The following DNMT3A variants were observed in gnomAD, a reference collection of about 807,000 sequenced individuals.
DNMT3A encodes the protein DNA (cytosine-5)-methyltransferase 3A.
Under a neutral mutation model 117.6 loss-of-function variants are expected in DNMT3A, and 267 were observed. The ratio of observed to expected loss-of-function variants is 2.27; its 90% CI spans 2.05 to 2.51. The LOEUF (loss-of-function observed/expected upper bound fraction) is 2.51, where lower values mean the gene tolerates loss of function less well. DNMT3A is among the 30% of genes most tolerant of loss of function. The probability of loss-of-function intolerance (pLI) is 0.00; values close to 1 mark genes in which losing one functional copy is unlikely to be tolerated. For missense variants in DNMT3A, 1,029 were observed against 1,260.2 expected (o/e 0.82, Z 2.78); for synonymous variants, 432 against 474.8 (o/e 0.91, Z 1.17).
chr2:25,325,750 A>G (rs1478527345), intron 1 of DNMT3A, among the ~76,000 whole-genome samples: 1 of 152,210 alleles, frequency 6.6e-6, no homozygotes, highest in Non-Finnish European at 1.5e-5. Context: ...GTTACCAAGG[A>G]GAAAACTGGA....
At chr2:25,280,643 G>A (rs916106449) in intron 4 of DNMT3A, among the ~76,000 whole-genome samples, 7 of 152,158 alleles carry the variant, frequency 4.6e-5, no homozygotes, top group Non-Finnish European at 1.0e-4. Context: ...TTTTAAGGGT[G>A]GATTTCTCAT....
intron 1 of DNMT3A, among the ~76,000 whole-genome samples, chr2:25,315,531 C>T (rs1370730834): frequency 2.6e-5 from 4 of 152,212 alleles, no homozygotes; most frequent in Admixed American, 1.3e-4. Context: ...GTTTGCTGCC[C>T]GGGTCCCGAG....
At chr2:25,310,293 C>G (rs2034036978) in intron 2 of DNMT3A, among the ~76,000 whole-genome samples, 1 of 151,492 alleles carries the variant, frequency 6.6e-6, no homozygotes, top group Non-Finnish European at 1.5e-5. Context: ...GCTCCATACT[C>G]CCCTCTAAGC....
chr2:25,262,369 A>T (rs573746640), intron 6 of DNMT3A, among the ~76,000 whole-genome samples: 1 of 152,270 alleles, frequency 6.6e-6, no homozygotes, highest in South Asian at 2.1e-4. Flanking sequence ...ATAAAGGAAA[A>T]AAATGGGTAA....
At chr2:25,266,109 G>A (rs2030315227) in intron 6 of DNMT3A, among the ~76,000 whole-genome samples, 1 of 152,170 alleles carries the variant, frequency 6.6e-6, no homozygotes, top group Non-Finnish European at 1.5e-5. Context: ...TCTACTTAAA[G>A]GACAATGGGG....
In DNMT3A at chr2:25,254,037, A is replaced by T. The variant is rs1443645517; in HGVS notation, c.640-5785T>A. The stretch of plus-strand genomic sequence containing the variant: ...CAGTGAGCCGAGATCATGCCACTGC[A>T]CTCCAGCCTGGGCAACAGAGCGAGA... On this transcript the variant is annotated intron_variant, in intron 6 of 22. Coordinates refer to ENST00000321117, the MANE Select transcript of DNMT3A (RefSeq NM_022552.5). The surrounding 1 kb of genome is among the most constrained non-coding windows in gnomAD (Gnocchi z 4.7). Among the ~76,000 whole-genome samples the T allele has an allele frequency of 6.7e-6, 1 of 149,560 alleles. No homozygotes were observed. Among genetic ancestry groups the T allele is most frequent in the African/African-American group, 2.5e-5 (1 of 40,360 alleles).
chr2:25,267,072 T>C (rs1355929869), intron 6 of DNMT3A, among the ~76,000 whole-genome samples: 1 of 152,124 alleles, frequency 6.6e-6, no homozygotes, highest in Non-Finnish European at 1.5e-5. Flanking sequence ...TGGAATATAA[T>C]AGTAATTACG....
rs888482436 is a variant in DNMT3A at position 25,231,377 on chromosome 2, G to C, written c.*2902C>G. 4 of 152,256 alleles carry C rather than the reference G, an allele frequency of 2.6e-5. No individual in the cohort carries two copies. Among genetic ancestry groups the C allele is most frequent in the Admixed American group, 6.5e-5 (1 of 15,282 alleles). 9.4% of individuals were successfully genotyped at this position (152,256 alleles called of 1,614,324 possible). ...AGTCACCACCTGTCAAGAGGTGACA[G>C]GAAGCAACTGGGCATGATCTTAAAC... On this transcript the variant is annotated 3_prime_UTR_variant, in exon 23 of 23. Coordinates refer to ENST00000321117, the MANE Select transcript of DNMT3A (RefSeq NM_022552.5).
chr2:25,314,749 C>CGGCCAA, intron 1 of DNMT3A: 2 of 976,206 alleles, frequency 2.0e-6, no homozygotes, highest in Non-Finnish European at 2.4e-6. Context: ...GCCACGGCCA[C>CGGCCAA]GGCCAAGGCC....
chr2:25,305,906 T>C lies in DNMT3A; in HGVS notation c.73-5663A>G, dbSNP rs2033757235. Among the ~76,000 whole-genome samples the C allele has an allele frequency of 6.6e-6, 1 of 152,214 alleles. No homozygotes were observed. Among genetic ancestry groups the C allele is most frequent in the African/African-American group, 2.4e-5 (1 of 41,456 alleles). ...TCCCTTCAGTACTTAAACCGGATGC[T>C]ACTGACCCAGCATCGGTTGAGCAGA... On this transcript the variant is annotated intron_variant, in intron 2 of 22. Transcript: ENST00000321117. This position sits in a 1 kb window ranked among gnomAD's most constrained non-coding sequence, Gnocchi z 4.1.
rs978860223 is a variant in DNMT3A, at chr2:25,241,059, T to G, written c.2083-329A>C. 2.6e-5 allele frequency among the ~76,000 whole-genome samples: 4 copies of G among 152,278 alleles called. No individual in the cohort carries two copies. In the South Asian group the frequency reaches 6.2e-4, roughly 24 times the overall value. On this transcript the variant is annotated intron_variant, in intron 17 of 22. Coordinates refer to ENST00000321117, the MANE Select transcript of DNMT3A (RefSeq NM_022552.5). ...TGTCTTAGGCAGGGTGTCTGGGCCA[T>G]GTGAATGTCCTCCAGTTGCCCTTCA...
chr2:25,340,210 G>A (rs2035361884), intron 1 of DNMT3A, among the ~76,000 whole-genome samples: 1 of 152,054 alleles, frequency 6.6e-6, no homozygotes, highest in Non-Finnish European at 1.5e-5. Context: ...AGGTGCAGCC[G>A]CAGGGGGCTC....
chr2:25,339,992 G>A lies in DNMT3A; in HGVS notation c.-178+1834C>T, dbSNP rs1376590531. Among the ~76,000 whole-genome samples the A allele has an allele frequency of 1.3e-5, 2 of 152,236 alleles. No individual in the cohort carries two copies. Among genetic ancestry groups the A allele is most frequent in the East Asian group, 1.9e-4 (1 of 5,190 alleles). ...TAGGGTGAAACATGAAGACTGAGCA[G>A]GCCCTCAGGGATGCTGATGGCAGTC... is the stretch of plus-strand genomic sequence containing the variant. On this transcript the variant is annotated intron_variant, in intron 1 of 22. Coordinates refer to ENST00000321117, the MANE Select transcript of DNMT3A (RefSeq NM_022552.5). The surrounding 1 kb of genome is among the most constrained non-coding windows in gnomAD (Gnocchi z 4.9).
At chr2:25,290,529 C>T (rs1179301606) in intron 3 of DNMT3A, among the ~76,000 whole-genome samples, 1 of 152,324 alleles carries the variant, frequency 6.6e-6, no homozygotes, top group East Asian at 1.9e-4. Context: ...GCCATGTTGG[C>T]CATGCTGGTC....
rs776844126 is a variant in DNMT3A, at chr2:25,240,370, A to C, written c.2254T>G (p.Phe752Val). 1.2e-6 allele frequency: 2 copies of C among 1,614,134 alleles called. No individual in the cohort carries two copies. The highest frequency in any genetic ancestry group is 1.7e-6 in the Non-Finnish European group (2 of 1,179,982). ...GCCACCACATTCTCAAAGAGCCAGA[A>C]GAAGGGGCGATCATCTCCCTCCTTG... ...RPKEGDDRPFFWLFENVVAMG... is the reference protein window; with the variant it reads ...RPKEGDDRPFVWLFENVVAMG... The change falls in exon 19 of 23, where the codon TTC (phenylalanine) becomes GTC (valine). Residue 752 changes from phenylalanine (F) to valine (V), a missense_variant. Coordinates refer to ENST00000321117, the MANE Select transcript of DNMT3A (RefSeq NM_022552.5).
rs2032908926 is a variant in DNMT3A at position 25,293,492 on chromosome 2, T to A, written c.177+6647A>T. 6.6e-6 allele frequency among the ~76,000 whole-genome samples: 1 copy of A among 152,132 alleles called. No homozygotes were observed. The highest frequency in any genetic ancestry group is 2.1e-4 in the South Asian group (1 of 4,828). On this transcript the variant is annotated intron_variant, in intron 3 of 22. Transcript: ENST00000321117. This position sits in a 1 kb window ranked among gnomAD's most constrained non-coding sequence, Gnocchi z 4.7. The stretch of plus-strand genomic sequence containing the variant: ...ACCTTTCCAATCAAGATTGAGAAGA[T>A]TTTTCTTCTTTCTTTGAGACAGGGT...
intron 6 of DNMT3A, among the ~76,000 whole-genome samples, chr2:25,256,952 T>C (rs114598823): frequency 3.7e-4 from 56 of 152,296 alleles, no homozygotes; most frequent in Admixed American, 1.2e-3. Context: ...CTGAATGCAG[T>C]GTTGTCTCAG....
chr2:25,271,224 G>A (rs572090824), intron 6 of DNMT3A, among the ~76,000 whole-genome samples: 5 of 152,212 alleles, frequency 3.3e-5, no homozygotes, highest in Admixed American at 1.3e-4. Flanking sequence ...GCAGGTGCCT[G>A]TGATCCCAGC....
In DNMT3A at chr2:25,244,002, G is replaced by A. The variant is rs2149287615; in HGVS notation, c.1852-20C>T. On this transcript the variant is annotated intron_variant, in intron 15 of 22. Transcript: ENST00000321117. ...AGGGTCCTAAGCAGTGAGCACAACA[G>A]GTCAGATGCAGGCCCAGCGGTGTCC... The A allele has an allele frequency of 6.4e-7, 1 of 1,551,132 alleles. No individual in the cohort carries two copies. The highest frequency in any genetic ancestry group is 8.7e-7 in the Non-Finnish European group (1 of 1,146,966).
Sources: allele counts gnomAD v4.1 joint callset (sites outside exome capture counted in the v4.1 genomes callset), GRCh38; gene constraint gnomAD v4.1.1; non-coding constraint Gnocchi (gnomAD v3.1); transcripts MANE v1.5; gene names NCBI Gene and HGNC (gene_info 2026-07-23, HGNC 2026-07-21).